ZNF875: variants seen among roughly 807,000 people sequenced by gnomAD.
ZNF875 encodes HKR1, GLI-Kruppel zinc finger family member.
ZNF875 carries 14 observed loss-of-function variants against 11.2 expected under a neutral mutation model. That is an observed-to-expected ratio of 1.26 (90% confidence interval 0.83 to 1.96). The LOEUF (loss-of-function observed/expected upper bound fraction) is 1.96, where lower values mean the gene tolerates loss of function less well. Among genes scored for constraint, ZNF875 ranks in the 30% most tolerant of loss-of-function variants. The pLI is 0.00. For missense variants in ZNF875, 752 were observed against 760.4 expected (o/e 0.99, Z 0.13); for synonymous variants, 301 against 281.1 (o/e 1.07, Z -0.71).
At chr19:37,335,304 C>G (rs539143220) in intron 2 of ZNF875, 47 bp downstream of exon 2, 1 of 673,710 alleles carries the variant, frequency 1.5e-6, no homozygotes, top group South Asian at 1.5e-5. Context: ...AGAATGGGTC[C>G]CATTACCTTT....
intron 4 of ZNF875, among the ~76,000 whole-genome samples, chr19:37,357,697 G>A (rs372411163): frequency 9.9e-4 from 151 of 151,840 alleles, no homozygotes; most frequent in African/African-American, 3.3e-3. Context: ...TTTGTATCCT[G>A]GAACTTTACT....
At chr19:37,328,761 G>C (rs1215091085) in intron 4 of ZNF875, 1 of 152,220 alleles carries the variant, frequency 6.6e-6, no homozygotes, top group Non-Finnish European at 1.5e-5. Flanking sequence ...AGCACTCCCT[G>C]CGTGGTGCCT....
At chr19:37,358,105 A>G (rs2039230417) in intron 4 of ZNF875, 1 of 216,956 alleles carries the variant, frequency 4.6e-6, no homozygotes, top group South Asian at 2.2e-4. Flanking sequence ...ATTTTATCCG[A>G]TGCTTTTTTT....
intron 2 of ZNF875, among the ~76,000 whole-genome samples, chr19:37,323,160 CTT>C (rs34306276): frequency 6.9e-6 from 1 of 145,488 alleles, no homozygotes. Flanking sequence ...CTGATATTTC[CTT>C]TTTTTTTTTG....
chr19:37,325,209 T>C (rs2032217560), intron 4 of ZNF875, among the ~76,000 whole-genome samples: 2 of 152,198 alleles, frequency 1.3e-5, no homozygotes, highest in African/African-American at 4.8e-5. Context: ...GCTACTCTCC[T>C]GCTGTGCATA....
rs772884785 is a variant in ZNF875 at position 37,362,697 on chromosome 19, A to T, written c.845A>T (p.Tyr282Phe). The change falls in exon 5 of 5, where the codon TAT becomes TTT. Residue 282 changes from tyrosine (Y) to phenylalanine (F), a missense_variant. Transcript: ENST00000392153. Reference protein sequence around the residue: ...NPRTHSGGKPYVCRECGRGFT... With the variant: ...NPRTHSGGKPFVCRECGRGFT... ...AGGACACACTCTGGGGGAAAGCCTT[A>T]TGTGTGCAGGGAATGTGGGCGAGGC... 6.2e-7 allele frequency: 1 copy of T among 1,613,394 alleles called. No individual in the cohort carries two copies. Among genetic ancestry groups the T allele is most frequent in the Non-Finnish European group, 8.5e-7 (1 of 1,179,706 alleles).
chr19:37,319,670 T>C (rs1351051280), intron 1 of ZNF875, among the ~76,000 whole-genome samples: 3 of 152,140 alleles, frequency 2.0e-5, no homozygotes, highest in Non-Finnish European at 1.5e-5. Flanking sequence ...CTCCTTGATA[T>C]TTCTCCATAT....
chr19:37,362,674 G>A lies in ZNF875; in HGVS notation c.822G>A (p.Arg274=), dbSNP rs999709068. The part of the protein sequence containing the change: ...GSMSVLIKNP[R]THSGGKPYVC... Reference sequence around the variant, plus strand: ...TGTCAGTCCTCATCAAAAACCCAAGGACACACTCTGGGGGAAAGCCTTATG... The same window carrying A: ...TGTCAGTCCTCATCAAAAACCCAAGAACACACTCTGGGGGAAAGCCTTATG... The change falls in exon 5 of 5, where the codon AGG becomes AGA. Residue 274 remains arginine, a synonymous_variant. Coordinates refer to ENST00000392153, the MANE Select transcript of ZNF875 (RefSeq NM_001353803.2). 21 of 1,612,974 alleles carry A rather than the reference G, an allele frequency of 1.3e-5. No homozygotes were observed. Among genetic ancestry groups the A allele is most frequent in the Non-Finnish European group, 1.6e-5 (19 of 1,179,520 alleles).
At chr19:37,358,602 C>G (rs2039365408) in intron 4 of ZNF875, 1 of 151,842 alleles carries the variant, frequency 6.6e-6, no homozygotes, top group Non-Finnish European at 1.5e-5. Flanking sequence ...TCACTGCAAC[C>G]TCCACCTCCT....
At chr19:37,350,104 G>A (rs2037571089) in intron 4 of ZNF875, among the ~76,000 whole-genome samples, 1 of 97,038 alleles carries the variant, frequency 1.0e-5, no homozygotes, top group Admixed American at 1.2e-4. Flanking sequence ...GCCCCCACTG[G>A]CCTTTTTTTT....
At chr19:37,356,752 A>G (rs1299815979) in intron 4 of ZNF875, among the ~76,000 whole-genome samples, 1 of 152,136 alleles carries the variant, frequency 6.6e-6, no homozygotes, top group Non-Finnish European at 1.5e-5. Flanking sequence ...TGGTTCGCAA[A>G]TGCTTTCTCC....
intron 2 of ZNF875, among the ~76,000 whole-genome samples, chr19:37,346,106 TATA>T (rs967873857): frequency 6.6e-6 from 1 of 152,104 alleles, no homozygotes; most frequent in African/African-American, 2.4e-5. Flanking sequence ...TAGAAATGAA[TATA>T]ATGTATTATC....
chr19:37,317,475 T>G (rs1289396978), upstream of ZNF875, among the ~76,000 whole-genome samples: 1 of 152,212 alleles, frequency 6.6e-6, no homozygotes, highest in Admixed American at 6.5e-5. Context: ...CGCCTGGCAC[T>G]AGCCTGTTTT....
rs139354025 is a variant in ZNF875, at chr19:37,363,747, T to C, written c.1895T>C (p.Ile632Thr). The C allele has an allele frequency of 1.4e-4, 228 of 1,613,760 alleles. No homozygotes were observed. In the African/African-American group the frequency reaches 1.6e-3, roughly 11 times the overall value. ...GGCTTTAGTCGGAAGTCCAACCTTA[T>C]CAGACATCAGAGGACACACTCAGGA... The part of the protein sequence containing the change: ...GRGFSRKSNL[I>T]RHQRTHSG The change falls in exon 5 of 5, where the codon ATC becomes ACC. Residue 632 changes from isoleucine (I) to threonine (T), a missense_variant. Coordinates refer to ENST00000392153, the MANE Select transcript of ZNF875 (RefSeq NM_001353803.2).
At chr19:37,319,368 T>TATATATATATATATAA (rs1390266781) in intron 1 of ZNF875, among the ~76,000 whole-genome samples, 4 of 144,018 alleles carry the variant, frequency 2.8e-5, no homozygotes, top group African/African-American at 7.8e-5. Context: ...TATATATATA[T>TATATATATATATATAA]AATAAAAATG....
chr19:37,335,326 A>G, intron 2 of ZNF875, 69 bp downstream of exon 2: 1 of 653,806 alleles, frequency 1.5e-6, no homozygotes, highest in Non-Finnish European at 2.8e-6. Flanking sequence ...CTTGTCCTGG[A>G]GGCTGCCTTG....
chr19:37,357,215 G>C (rs1341226667), intron 4 of ZNF875, among the ~76,000 whole-genome samples: 1 of 152,146 alleles, frequency 6.6e-6, no homozygotes, highest in Admixed American at 6.6e-5. Flanking sequence ...TGCTGTTTCA[G>C]TTAATATAGC....
intron 4 of ZNF875, among the ~76,000 whole-genome samples, chr19:37,329,447 C>T (rs1231897290): frequency 1.3e-5 from 2 of 152,126 alleles, no homozygotes; most frequent in East Asian, 1.9e-4. Context: ...GAGAGACTGA[C>T]TCTCTCCATA....
chr19:37,352,910 T>C lies in ZNF875; in HGVS notation c.256+5038T>C, dbSNP rs1290524239. On this transcript the variant is annotated intron_variant, in intron 4 of 4. Transcript: ENST00000392153. ...TTTTTTTTGAGACATAGTCTCACTCTGTCACCGAGACTGGAGTGCAGTGGT... is the reference window on the plus strand; with the variant it reads ...TTTTTTTTGAGACATAGTCTCACTCCGTCACCGAGACTGGAGTGCAGTGGT... 2.2e-4 allele frequency among the ~76,000 whole-genome samples: 31 copies of C among 144,106 alleles called. No individual in the cohort carries two copies. In the Admixed American group the frequency reaches 2.2e-3, roughly 10 times the overall value. 94.5% of individuals were successfully genotyped at this position (144,106 alleles called of 152,430 possible).
Sources: allele counts gnomAD v4.1 joint callset (sites outside exome capture counted in the v4.1 genomes callset), GRCh38; gene constraint gnomAD v4.1.1; transcripts MANE v1.5; gene names NCBI Gene and HGNC (gene_info 2026-07-23, HGNC 2026-07-21).